Variants in SDK1 observed in about 807,000 individuals in gnomAD.
The protein encoded by SDK1 is protein sidekick-1.
SDK1 carries 157 observed loss-of-function variants against 245.5 expected under a neutral mutation model. The observed-to-expected ratio is 0.64, with a 90% confidence interval of 0.56 to 0.73. SDK1 has a LOEUF of 0.73. Ranked by LOEUF, SDK1 falls within the 30% of genes least tolerant of loss-of-function variation. The pLI, the probability that SDK1 is intolerant of heterozygous loss-of-function variation, is 0.00. For synonymous variants in SDK1, 1,647 were observed against 1,278.5 expected, an observed-to-expected ratio of 1.29 and a Z score of -6.15; for missense variants, 3,583 against 3,002.3, an observed-to-expected ratio of 1.19 and a Z score of -4.52.
chr7:3,604,766 C>A (rs1338785312), intron 1 of SDK1, among the ~76,000 whole-genome samples: 1 of 151,542 alleles, frequency 6.6e-6, no homozygotes, highest in South Asian at 2.1e-4. Context: ...CTACGGCAGG[C>A]TAATTTTGTA....
At chr7:3,499,723 C>T (rs1313458667) in intron 1 of SDK1, among the ~76,000 whole-genome samples, 1 of 152,188 alleles carries the variant, frequency 6.6e-6, no homozygotes, top group Admixed American at 6.5e-5. Context: ...GAGTCTGGGT[C>T]ATAGCCGGGC....
intron 37 of SDK1, among the ~76,000 whole-genome samples, chr7:4,209,785 C>T (rs1297161397): frequency 6.6e-6 from 1 of 152,164 alleles, no homozygotes; most frequent in African/African-American, 2.4e-5. Context: ...GTCTCTCAAG[C>T]CCCTTTGTGT....
intron 1 of SDK1, among the ~76,000 whole-genome samples, chr7:3,485,682 G>GTTTTTTTT (rs1562515905): frequency 9.7e-5 from 3 of 30,968 alleles, no homozygotes; most frequent in Admixed American, 3.9e-4. Context: ...ATCTTTGGAG[G>GTTTTTTTT]GTTTTTTTTT....
intron 5 of SDK1, among the ~76,000 whole-genome samples, chr7:3,856,646 C>T (rs2115110823): frequency 6.6e-6 from 1 of 151,980 alleles, no homozygotes; most frequent in African/African-American, 2.4e-5. Flanking sequence ...CAAAAATTAG[C>T]CAGGCATGGT....
chr7:3,372,601 G>T (rs1781255288), intron 1 of SDK1, among the ~76,000 whole-genome samples: 1 of 152,120 alleles, frequency 6.6e-6, no homozygotes, highest in Admixed American at 6.6e-5. Flanking sequence ...ACGTCACTGG[G>T]CCCCCAAAAT....
chr7:3,973,096 C>T (rs1782617916), intron 12 of SDK1, among the ~76,000 whole-genome samples: 1 of 152,122 alleles, frequency 6.6e-6, no homozygotes, highest in South Asian at 2.1e-4. Context: ...TTGGAGGCCC[C>T]TTCCTCAGAT....
chr7:4,241,379 C>T (rs969107699), intron 42 of SDK1, among the ~76,000 whole-genome samples: 4 of 152,086 alleles, frequency 2.6e-5, no homozygotes, highest in African/African-American at 9.7e-5. Flanking sequence ...TCACGCTTGC[C>T]ATCCCAGCAC....
rs542020389 is a variant in SDK1 at position 3,571,994 on chromosome 7, A to T, written c.299-47086A>T. 1.7e-4 allele frequency among the ~76,000 whole-genome samples: 26 copies of T among 152,162 alleles called. No homozygotes were observed. In the South Asian group the frequency reaches 5.2e-3, roughly 30 times the overall value. On this transcript the variant is annotated intron_variant, in intron 1 of 44. Transcript: ENST00000404826. ...ATCTGCTGTTAGGAAAAATTTTAAA[A>T]TCCACTTATTGAACATGTACGTACA...
chr7:3,705,406 G>A (rs1352408150), intron 4 of SDK1, among the ~76,000 whole-genome samples: 1 of 143,570 alleles, frequency 7.0e-6, no homozygotes. Context: ...TCACCTGCTT[G>A]GTTAAGTATA....
intron 5 of SDK1, among the ~76,000 whole-genome samples, chr7:3,884,686 CG>C (rs1781295205): frequency 6.6e-6 from 1 of 152,208 alleles, no homozygotes; most frequent in Admixed American, 6.5e-5. Flanking sequence ...GTGTGGGGAC[CG>C]GCCCCTCCAG....
intron 14 of SDK1, among the ~76,000 whole-genome samples, chr7:4,000,176 G>T (rs1286034429): frequency 6.6e-6 from 1 of 152,222 alleles, no homozygotes; most frequent in Non-Finnish European, 1.5e-5. Context: ...GTGGAAGTAG[G>T]AGGCCTGCTG....
At chr7:3,977,928 C>A (rs1435127832) in intron 13 of SDK1, among the ~76,000 whole-genome samples, 1 of 152,138 alleles carries the variant, frequency 6.6e-6, no homozygotes. Context: ...TCCTTCTGTT[C>A]CCTACTCGTA....
At chr7:3,505,058 C>G (rs1301728068) in intron 1 of SDK1, among the ~76,000 whole-genome samples, 2 of 152,098 alleles carry the variant, frequency 1.3e-5, no homozygotes, top group African/African-American at 2.4e-5. Context: ...ATATGGTAAG[C>G]CCCCTTGACT....
intron 1 of SDK1, among the ~76,000 whole-genome samples, chr7:3,611,706 T>A (rs900273498): frequency 6.6e-6 from 1 of 152,002 alleles, no homozygotes; most frequent in African/African-American, 2.4e-5. Flanking sequence ...CCTGCCAACA[T>A]CTATTATTTT....
In SDK1 at chr7:4,113,401, C is replaced by G. The variant is rs746216164; in HGVS notation, c.3547C>G (p.Arg1183Gly). Reference protein sequence around the residue: ...PDVAPTSVTVRTASETSLRLR... With the variant: ...PDVAPTSVTVGTASETSLRLR... ...CGTGGCTCCAACCAGCGTCACGGTC[C>G]GTACTGCCAGTGAGACCAGCCTGCG... is the stretch of plus-strand genomic sequence containing the variant. Residue 1183 changes from arginine to glycine, a missense_variant, in exon 24 of 45, where the codon CGT becomes GGT. Transcript: ENST00000404826. 6 of 1,613,928 alleles carry G rather than the reference C, an allele frequency of 3.7e-6. No individual in the cohort carries two copies. The South Asian group carries it at 6.6e-5, about 18-fold the overall frequency.
chr7:3,893,214 C>T (rs1446150321), intron 5 of SDK1, among the ~76,000 whole-genome samples: 2 of 152,148 alleles, frequency 1.3e-5, no homozygotes, highest in African/African-American at 4.8e-5. Flanking sequence ...GATCCCTTAA[C>T]CAGTGAACTC....
At chr7:4,193,820 C>T (rs1272534604) in intron 35 of SDK1, among the ~76,000 whole-genome samples, 1 of 152,170 alleles carries the variant, frequency 6.6e-6, no homozygotes, top group Non-Finnish European at 1.5e-5. Context: ...CATTTTCTTT[C>T]ATCACTTTGT....
intron 22 of SDK1, among the ~76,000 whole-genome samples, chr7:4,092,153 C>G (rs1310597976): frequency 6.6e-6 from 1 of 152,194 alleles, no homozygotes; most frequent in Non-Finnish European, 1.5e-5. Context: ...ATAACAGTGC[C>G]TGTCTCACGG....
chr7:3,806,550 G>T (rs796312278), intron 4 of SDK1, among the ~76,000 whole-genome samples: 28 of 152,366 alleles, frequency 1.8e-4, no homozygotes, highest in South Asian at 8.3e-4. Context: ...AGAATTTTCT[G>T]TGGCCTTTGG....
Sources: allele counts gnomAD v4.1 joint callset (sites outside exome capture counted in the v4.1 genomes callset), GRCh38; gene constraint gnomAD v4.1.1; transcripts MANE v1.5; gene names NCBI Gene and HGNC (gene_info 2026-07-23, HGNC 2026-07-21).